RASAL3: variants seen among roughly 807,000 people sequenced by gnomAD.
The protein encoded by RASAL3 is RAS protein activator like 3, also known as RAS protein activator like-3.
RASAL3 carries 74 observed loss-of-function variants against 105.5 expected under a neutral mutation model. The observed-to-expected ratio is 0.70, with a 90% CI of 0.58 to 0.85. The LOEUF is 0.85. Ranked by LOEUF, RASAL3 falls within the 40% of genes least tolerant of loss-of-function variation. The pLI is 0.00. For synonymous variants in RASAL3, 579 were observed against 591.6 expected, an observed-to-expected ratio of 0.98 and a Z score of 0.31; for missense variants, 1,352 against 1,392.0, an observed-to-expected ratio of 0.97 and a Z score of 0.46.
At position 15,456,099 on chromosome 19, in the gene RASAL3, C is replaced by T; in HGVS notation, c.1721+5G>A. 6.2e-7 allele frequency: 1 copy of T among 1,612,312 alleles called. No individual in the cohort carries two copies. The stretch of plus-strand genomic sequence containing the variant: ...GGGCTAAGCTGCTGGGGCCCTGATT[C>T]TCACTCGTAGGAATGGATAATGGTT... On this transcript the variant is annotated splice_donor_5th_base_variant and intron_variant, in intron 11 of 17. Transcript: ENST00000343625. The surrounding 1 kb of genome is among the most constrained non-coding windows in gnomAD (Gnocchi z 4.4).
In RASAL3 at chr19:15,460,974, TCACC is replaced by T. The variant is rs1394715936; in HGVS notation, c.606+82_606+85del. The T allele has an allele frequency of 1.3e-5, 16 of 1,256,900 alleles. No individual in the cohort carries two copies. The East Asian group carries it at 3.8e-4, about 30-fold the overall frequency. 77.9% of individuals were successfully genotyped at this position (1,256,900 alleles called of 1,614,324 possible). A position where few individuals can be genotyped will look rare whatever the true frequency, so the allele number is the denominator to read the frequency against. On this transcript the variant is annotated intron_variant, in intron 5 of 17. Transcript: ENST00000343625. ...AAGAGGGTCAGCAACCTGCTCCAGA[TCACC>T]CAGCAAGAGTGCCCTTTCAGCTTTG...
chr19:15,456,342 G>A lies in RASAL3; in HGVS notation c.1577-94C>T. The A allele has an allele frequency of 1.3e-6, 2 of 1,552,494 alleles. No homozygotes were observed. The highest frequency in any genetic ancestry group is 1.7e-6 in the Non-Finnish European group (2 of 1,144,288). ...ACCTTGTCTTCAGGTTATTCCGGAG[G>A]CACCCAACATCTTGGGGAGCTCCCA... is the stretch of plus-strand genomic sequence containing the variant. On this transcript the variant is annotated intron_variant, in intron 10 of 17. Coordinates refer to ENST00000343625, the MANE Select transcript of RASAL3 (RefSeq NM_022904.3). The surrounding 1 kb of genome is among the most constrained non-coding windows in gnomAD (Gnocchi z 4.4).
Position 15,453,535 on chromosome 19 carries a change from C to A in RASAL3, c.2280-38G>T, listed in dbSNP as rs1293923436. 1 of 1,472,832 alleles carries A rather than the reference C, an allele frequency of 6.8e-7. No homozygotes were observed. The highest frequency in any genetic ancestry group is 8.9e-7 in the Non-Finnish European group (1 of 1,121,892). 91.2% of individuals were successfully genotyped at this position (1,472,832 alleles called of 1,614,324 possible). A position where few individuals can be genotyped will look rare whatever the true frequency, so the allele number is the denominator to read the frequency against. ...TGGAGGATCTTAGACCCTCCACTGG[C>A]CCCTGAGACGACCCCATCCCGACCT... On this transcript the variant is annotated intron_variant, in intron 14 of 17. Transcript: ENST00000343625. The surrounding 1 kb of genome is among the most constrained non-coding windows in gnomAD (Gnocchi z 4.2).
intron 2 of RASAL3, 107 bp downstream of exon 2, chr19:15,463,924 C>T (rs1970587578): frequency 1.3e-5 from 14 of 1,099,172 alleles, no homozygotes; most frequent in Non-Finnish European, 1.6e-5. Flanking sequence ...GGCTTTTGCA[C>T]TCCCCACAAC....
chr19:15,463,313 G>A (rs1018630562), intron 2 of RASAL3, among the ~76,000 whole-genome samples: 3 of 151,724 alleles, frequency 2.0e-5, no homozygotes, highest in Non-Finnish European at 2.9e-5. Flanking sequence ...GGCTGGTCTC[G>A]AACTCCTGAG....
intron 6 of RASAL3, 21 bp from the exon 7 acceptor site, chr19:15,458,676 C>T: frequency 6.2e-7 from 1 of 1,608,620 alleles, no homozygotes; most frequent in East Asian, 2.2e-5. Context: ...GGTGGGTGAG[C>T]ACACCGTCAT....
intron 6 of RASAL3, 56 bp from the exon 7 acceptor site, chr19:15,458,711 A>G (rs1394741743): frequency 6.3e-7 from 1 of 1,583,422 alleles, no homozygotes; most frequent in Admixed American, 1.8e-5. Flanking sequence ...CATCCCCCAT[A>G]GCCTGAAGGG....
At chr19:15,460,439 A>G (rs1234480217) in intron 5 of RASAL3, among the ~76,000 whole-genome samples, 181 bp from the exon 6 acceptor site, 1 of 152,124 alleles carries the variant, frequency 6.6e-6, no homozygotes, top group Non-Finnish European at 1.5e-5. Flanking sequence ...TTTTTTTAAG[A>G]CAGGGTCTCG....
chr19:15,463,609 C>T (rs1970578571), intron 2 of RASAL3, among the ~76,000 whole-genome samples: 1 of 152,108 alleles, frequency 6.6e-6, no homozygotes, highest in African/African-American at 2.4e-5. Flanking sequence ...GATCATTATT[C>T]TCACTGAACT....
At position 15,454,397 on chromosome 19, in the gene RASAL3, A is replaced by C; in HGVS notation, c.2124T>G (p.His708Gln). 1 of 1,613,796 alleles carries C rather than the reference A, an allele frequency of 6.2e-7. No individual in the cohort carries two copies. The highest frequency in any genetic ancestry group is 8.5e-7 in the Non-Finnish European group (1 of 1,179,798). ...CAGCAAAAATTGTACAGAGCTGGGC[A>C]TGCAGGACAGCTAACTGGAGGGCCA... The part of the protein sequence containing the change: ...GDLALQLAVL[H>Q]AQLCTIFAEL... The change falls in exon 13 of 18, where the codon CAT (histidine) becomes CAG (glutamine). Residue 708 changes from histidine (H) to glutamine (Q), a missense_variant. Around this residue, in one of 3 missense-constraint regions of RASAL3, gnomAD observed 920 missense variants for 919.6 expected, o/e 1.00. Coordinates refer to ENST00000343625, the MANE Select transcript of RASAL3 (RefSeq NM_022904.3).
At chr19:15,461,386 T>C in intron 3 of RASAL3, 85 bp downstream of exon 3, 1 of 1,522,394 alleles carries the variant, frequency 6.6e-7, no homozygotes, top group Non-Finnish European at 8.9e-7. Context: ...ACCTTCCCAT[T>C]ATCCTCCCTC....
At chr19:15,452,166 C>G in intron 16 of RASAL3, 58 bp from the exon 17 acceptor site, 1 of 1,587,640 alleles carries the variant, frequency 6.3e-7, no homozygotes, top group Non-Finnish European at 8.6e-7. Flanking sequence ...CCTTCCAGCT[C>G]CTGGTGGGAG....
Position 15,452,726 on chromosome 19 carries a change from C to T in RASAL3, c.2760G>A (p.Arg920=). Reference sequence around the variant, plus strand: ...GCTGCTCCTGCTGCTCCGTCAAGGCCCGGATTTGGGTGCTCAGCGACTCCA... The same window carrying T: ...GCTGCTCCTGCTGCTCCGTCAAGGCTCGGATTTGGGTGCTCAGCGACTCCA... The part of the protein sequence containing the change: ...RLVESLSTQI[R]ALTEQQEQLR... Residue 920 remains arginine (R), a synonymous_variant, in exon 16 of 18, where the codon CGG becomes CGA. Transcript: ENST00000343625. 6.4e-7 allele frequency: 1 copy of T among 1,557,146 alleles called. No homozygotes were observed. Among genetic ancestry groups the T allele is most frequent in the South Asian group, 1.2e-5 (1 of 84,540 alleles).
At position 15,454,176 on chromosome 19, in the gene RASAL3, G is replaced by A; in HGVS notation, c.2252C>T (p.Pro751Leu). 3.2e-6 allele frequency: 5 copies of A among 1,566,582 alleles called. No homozygotes were observed. The highest frequency in any genetic ancestry group is 4.3e-6 in the Non-Finnish European group (5 of 1,155,342). Residue 751 changes from proline (P) to leucine (L), a missense_variant, in exon 14 of 18, where the codon CCA (proline) becomes CTA (leucine). Around this residue, in one of 3 missense-constraint regions of RASAL3, gnomAD observed 920 missense variants for 919.6 expected, o/e 1.00. Coordinates refer to ENST00000343625, the MANE Select transcript of RASAL3 (RefSeq NM_022904.3). ...PVLVSVPMRL[P>L]LPPAQVHSSL... Reference sequence around the variant, plus strand: ...GGAGTGGACCTGGGCCGGGGGCAGTGGGAGACGCATTGGCACTGACACAAG... The same window carrying A: ...GGAGTGGACCTGGGCCGGGGGCAGTAGGAGACGCATTGGCACTGACACAAG...
Position 15,457,397 on chromosome 19 carries a change from G to C in RASAL3, c.1326C>G (p.His442Gln). Residue 442 changes from histidine (H) to glutamine (Q), a missense_variant, in exon 9 of 18, where the codon CAC becomes CAG. By Grantham distance (24) the His-to-Gln change is conservative. Around this residue, in one of 3 missense-constraint regions of RASAL3, gnomAD observed 920 missense variants for 919.6 expected, o/e 1.00. Coordinates refer to ENST00000343625, the MANE Select transcript of RASAL3 (RefSeq NM_022904.3). The surrounding 1 kb of genome is among the most constrained non-coding windows in gnomAD (Gnocchi z 8.6). ...CCAGGGCCCCGCAGAGGCGCGCATA[G>C]TGGAAGGTGAGGAACTCCGCCAGCT... ...YKELAEFLTFHYARLCGALEP... is the reference protein window; with the variant it reads ...YKELAEFLTFQYARLCGALEP... The C allele has an allele frequency of 6.9e-7, 1 of 1,450,676 alleles. No homozygotes were observed. The highest frequency in any genetic ancestry group is 9.0e-7 in the Non-Finnish European group (1 of 1,106,406). 89.9% of individuals were successfully genotyped at this position (1,450,676 alleles called of 1,614,324 possible). A position where few individuals can be genotyped will look rare whatever the true frequency, so the allele number is the denominator to read the frequency against.
At position 15,461,103 on chromosome 19, in the gene RASAL3, GT is replaced by G; in HGVS notation, c.562del (p.Thr188GlnfsTer21). 1 of 1,613,938 alleles carries G rather than the reference GT, an allele frequency of 6.2e-7. No individual in the cohort carries two copies. The highest frequency in any genetic ancestry group is 8.5e-7 in the Non-Finnish European group (1 of 1,179,858). On this transcript the variant is annotated frameshift_variant, in exon 5 of 18. Transcript: ENST00000343625. LOFTEE classifies it high-confidence loss of function. ...GTTGGGACCAGCAGTCTCCGGTTCT[GT>G]TTTTCCAGGCATCCGATCTGTGGGT... is the stretch of plus-strand genomic sequence containing the variant. ...FRDPDRMPGK[T>X]EPETAGPNQV... is the part of the protein sequence containing the mutation.
At position 15,453,577 on chromosome 19, in the gene RASAL3, A is replaced by G; in HGVS notation, c.2280-80T>C. ...TCCCGACCTGACCAGAAGTGACCTC[A>G]CCCCCCACGTGAACTTGTCCTTTCT... On this transcript the variant is annotated intron_variant, in intron 14 of 17. Transcript: ENST00000343625. The surrounding 1 kb of genome is among the most constrained non-coding windows in gnomAD (Gnocchi z 4.2). 1 of 1,316,102 alleles carries G rather than the reference A, an allele frequency of 7.6e-7. No homozygotes were observed. Among genetic ancestry groups the G allele is most frequent in the African/African-American group, 1.6e-5 (1 of 61,774 alleles). 81.5% of individuals were successfully genotyped at this position (1,316,102 alleles called of 1,614,324 possible). A position where few individuals can be genotyped will look rare whatever the true frequency, so the allele number is the denominator to read the frequency against.
At chr19:15,461,783 C>T (rs1390626769) in intron 2 of RASAL3, among the ~76,000 whole-genome samples, 176 bp from the exon 3 acceptor site, 1 of 152,150 alleles carries the variant, frequency 6.6e-6, no homozygotes, top group Non-Finnish European at 1.5e-5. Flanking sequence ...CTTGTCCCCA[C>T]TAACCATGGG....
At position 15,461,557 on chromosome 19, in the gene RASAL3, C is replaced by A. The variant is rs1429927874; in HGVS notation, c.379G>T (p.Ala127Ser). The change falls in exon 3 of 18, where the codon GCC (alanine) becomes TCC (serine). Residue 127 changes from alanine to serine, a missense_variant. Around this residue, in one of 3 missense-constraint regions of RASAL3, gnomAD observed 344 missense variants for 339.6 expected, o/e 1.01. Transcript: ENST00000343625. ...CAGACAGGCACGTTGGGTGTGGGGG[C>A]CTCAGGGATCTGTGGGGTAGGGGGC... ...LEPPTPQIPE[A>S]PTPNVPVWDI... The A allele has an allele frequency of 1.5e-5, 23 of 1,534,498 alleles. No individual in the cohort carries two copies. Among genetic ancestry groups the A allele is most frequent in the Non-Finnish European group, 1.7e-5 (20 of 1,145,622 alleles).
Sources: allele counts gnomAD v4.1 joint callset (sites outside exome capture counted in the v4.1 genomes callset), GRCh38; gene constraint gnomAD v4.1.1; regional missense constraint gnomAD v4.1.1; non-coding constraint Gnocchi (gnomAD v3.1); transcripts MANE v1.5; gene names NCBI Gene and HGNC (gene_info 2026-07-23, HGNC 2026-07-21).